Variants in PCLO observed in about 807,000 individuals in gnomAD.
PCLO encodes piccolo presynaptic cytomatrix protein, also known as protein piccolo.
In PCLO, 82 loss-of-function variants were observed where a neutral mutation model predicts 427.5. The ratio of observed to expected loss-of-function variants is 0.19; its 90% confidence interval spans 0.16 to 0.23. The LOEUF is 0.23. Ranked by LOEUF, PCLO falls within the 10% of genes least tolerant of loss-of-function variation. PCLO has a pLI of 1.00. For missense variants in PCLO, 6,239 were observed against 6,115.9 expected (o/e 1.02, Z -0.67); for synonymous variants, 2,357 against 2,155.4 (o/e 1.09, Z -2.59).
chr7:83,044,885 G>A (rs1312005778), intron 3 of PCLO, among the ~76,000 whole-genome samples: 2 of 152,066 alleles, frequency 1.3e-5, no homozygotes, highest in Non-Finnish European at 2.9e-5. Context: ...GGAAGTCAAA[G>A]TTTTAGAGGA....
rs190833764 is a variant in PCLO at position 83,052,580 on chromosome 7, C to T, written c.3300+81670G>A. 4.9e-3 allele frequency among the ~76,000 whole-genome samples: 746 copies of T among 151,968 alleles called. 14 individuals are homozygous for T. Among genetic ancestry groups the T allele is most frequent in the Admixed American group, 0.045 (689 of 15,240 alleles). On this transcript the variant is annotated intron_variant, in intron 3 of 24. Coordinates refer to ENST00000333891, the MANE Select transcript of PCLO (RefSeq NM_033026.6). ...GTGTCTCAAATTATTTTATTCCAAACTCATATTTGTAAACGACTTACTGGA... is the reference window on the plus strand; with the variant it reads ...GTGTCTCAAATTATTTTATTCCAAATTCATATTTGTAAACGACTTACTGGA...
At chr7:83,025,211 A>G (rs553422360) in intron 3 of PCLO, among the ~76,000 whole-genome samples, 2 of 152,262 alleles carry the variant, frequency 1.3e-5, no homozygotes, top group African/African-American at 4.8e-5. Context: ...TTTGAAAAAA[A>G]TTTAGAAGAA....
intron 6 of PCLO, among the ~76,000 whole-genome samples, chr7:82,932,812 C>T (rs1794870002): frequency 6.6e-6 from 1 of 152,050 alleles, no homozygotes; most frequent in Non-Finnish European, 1.5e-5. Context: ...AAAAAACAAA[C>T]ATCCTTAGGT....
rs1199236565 is a variant in PCLO, at chr7:82,966,480, T to C, written c.3308A>G (p.Glu1103Gly). The change falls in exon 4 of 25, where the codon GAA becomes GGA. Residue 1103 changes from glutamate (E) to glycine (G), a missense_variant. By Grantham distance (98) the Glu-to-Gly change is moderately conservative (BLOSUM62 -2). Around this residue, in one of 5 missense-constraint regions of PCLO, gnomAD observed 4,677 missense variants for 4,468.4 expected, o/e 1.05. Coordinates refer to ENST00000333891, the MANE Select transcript of PCLO (RefSeq NM_033026.6). ...GGTTTGGCAATTTAAACAAAGCCAT[T>C]CTTGAATCTGTGGGAAAAAAATTAC... ...NPTPHLTEIQ[E>G]WLCLNCQTQR... 1.3e-6 allele frequency: 2 copies of C among 1,560,854 alleles called. No individual in the cohort carries two copies. Among genetic ancestry groups the C allele is most frequent in the Non-Finnish European group, 1.7e-6 (2 of 1,155,812 alleles).
intron 3 of PCLO, among the ~76,000 whole-genome samples, chr7:82,977,673 C>CA (rs1371251136): frequency 6.6e-6 from 1 of 152,052 alleles, no homozygotes; most frequent in African/African-American, 2.4e-5. Flanking sequence ...CTTGGCCTCC[C>CA]AAAGTGCTGG....
chr7:82,941,046 G>GCCA (rs1324863382), intron 6 of PCLO, among the ~76,000 whole-genome samples: 2 of 151,466 alleles, frequency 1.3e-5, no homozygotes, highest in Non-Finnish European at 2.9e-5. Flanking sequence ...ACAGGTTTGA[G>GCCA]CCACCGTGCC....
chr7:82,828,455 T>A (rs1792007881), intron 16 of PCLO, among the ~76,000 whole-genome samples: 1 of 152,156 alleles, frequency 6.6e-6, no homozygotes, highest in South Asian at 2.1e-4. Flanking sequence ...ATATCTAAAG[T>A]ATATTCCAAC....
rs756712889 is a variant in PCLO at position 83,156,146 on chromosome 7, A to G, written c.495T>C (p.Ala165=). 5 of 1,613,872 alleles carry G rather than the reference A, an allele frequency of 3.1e-6. No homozygotes were observed. The highest frequency in any genetic ancestry group is 3.4e-6 in the Non-Finnish European group (4 of 1,179,814). ...TGAATTTATTTACAACAGAGGAAAC[A>G]GCACTTAAAGCGTTAACCTCTGAGA... ...GFLSEVNALS[A]VSSVVNKFNP... is the part of the protein sequence containing the mutation. Residue 165 remains alanine (A), a synonymous_variant, in exon 2 of 25, where the codon GCT becomes GCC. Coordinates refer to ENST00000333891, the MANE Select transcript of PCLO (RefSeq NM_033026.6).
chr7:83,103,869 T>C (rs1790792590), intron 3 of PCLO, among the ~76,000 whole-genome samples: 1 of 151,922 alleles, frequency 6.6e-6, no homozygotes, highest in Admixed American at 6.6e-5. Context: ...ATAAATCTCA[T>C]TTACCCCAAA....
intron 3 of PCLO, among the ~76,000 whole-genome samples, chr7:83,019,206 T>C (rs1788281496): frequency 6.6e-6 from 1 of 152,044 alleles, no homozygotes; most frequent in Admixed American, 6.6e-5. Flanking sequence ...GTTCCCTCAA[T>C]ATGTGTGTCT....
At chr7:82,924,198 A>T (rs1794660725) in intron 6 of PCLO, among the ~76,000 whole-genome samples, 1 of 152,076 alleles carries the variant, frequency 6.6e-6, no homozygotes, top group Non-Finnish European at 1.5e-5. Context: ...TTGAAAAGAG[A>T]ACCGGAGGGA....
intron 18 of PCLO, among the ~76,000 whole-genome samples, chr7:82,825,048 G>C (rs971947575): frequency 6.6e-6 from 1 of 152,054 alleles, no homozygotes; most frequent in Non-Finnish European, 1.5e-5. Context: ...AGTCACAAAA[G>C]GGACAAAATG....
intron 3 of PCLO, among the ~76,000 whole-genome samples, chr7:82,982,919 A>G (rs1466157660): frequency 1.3e-5 from 2 of 151,704 alleles, no homozygotes; most frequent in African/African-American, 2.4e-5. Context: ...TAGAATTTTA[A>G]ATGTAATTTT....
chr7:83,093,433 G>A (rs1447792890), intron 3 of PCLO, among the ~76,000 whole-genome samples: 1 of 144,714 alleles, frequency 6.9e-6, no homozygotes, highest in Admixed American at 7.2e-5. Context: ...CTAAGAAACT[G>A]TGCCATTTTA....
At chr7:83,130,661 GAT>G (rs776092156) in intron 3 of PCLO, among the ~76,000 whole-genome samples, 1 of 152,106 alleles carries the variant, frequency 6.6e-6, no homozygotes, top group Non-Finnish European at 1.5e-5. Flanking sequence ...GTAAAAGGAA[GAT>G]ATGTGTTTGC....
At position 82,952,516 on chromosome 7, in the gene PCLO, G is replaced by A. The variant is rs1256893515; in HGVS notation, c.8437C>T (p.Leu2813=). 6.2e-7 allele frequency: 1 copy of A among 1,613,834 alleles called. No homozygotes were observed. Among genetic ancestry groups the A allele is most frequent in the Non-Finnish European group, 8.5e-7 (1 of 1,179,860 alleles). Residue 2813 remains leucine, a synonymous_variant, in exon 5 of 25, where the codon CTA becomes TTA. Transcript: ENST00000333891. ...SASYTTGTES[L]VGAEHAMTTP... ...GTCATTGCATGTTCTGCACCCACTAGGCTTTCTGTGCCTGTAGTGTAACTT... is the reference window on the plus strand; with the variant it reads ...GTCATTGCATGTTCTGCACCCACTAAGCTTTCTGTGCCTGTAGTGTAACTT...
At chr7:82,854,280 C>G (rs964417111) in intron 10 of PCLO, among the ~76,000 whole-genome samples, 2 of 151,992 alleles carry the variant, frequency 1.3e-5, no homozygotes, top group Non-Finnish European at 2.9e-5. Context: ...CATGGGACAT[C>G]CAATCTGCAG....
At chr7:82,791,220 A>AT (rs36077665) in intron 22 of PCLO, among the ~76,000 whole-genome samples, 3 of 151,558 alleles carry the variant, frequency 2.0e-5, no homozygotes, top group Admixed American at 6.6e-5. Context: ...GTTTGTGTAG[A>AT]TTTTTTTAAA....
At chr7:82,908,825 A>C (rs1794253024) in intron 8 of PCLO, 52 bp downstream of exon 8, 2 of 1,479,282 alleles carry the variant, frequency 1.4e-6, no homozygotes, top group Non-Finnish European at 1.9e-6. Context: ...TCTAGGGTAG[A>C]CTTGAGTCTT....
Sources: allele counts gnomAD v4.1 joint callset (sites outside exome capture counted in the v4.1 genomes callset), GRCh38; gene constraint gnomAD v4.1.1; regional missense constraint gnomAD v4.1.1; transcripts MANE v1.5; gene names NCBI Gene and HGNC (gene_info 2026-07-23, HGNC 2026-07-21).